The following SYCE1 variants were observed in gnomAD, a reference collection of about 807,000 sequenced individuals.
The protein encoded by SYCE1 is synaptonemal complex central element protein 1.
Under a neutral mutation model 55.1 loss-of-function variants are expected in SYCE1, and 37 were observed. The observed-to-expected ratio is 0.67, with a 90% CI of 0.52 to 0.88. The LOEUF (loss-of-function observed/expected upper bound fraction) is 0.88. SYCE1 is among the 40% of genes least tolerant of loss of function. The pLI is 0.00. For missense variants in SYCE1, 399 were observed against 416.4 expected (o/e 0.96, Z 0.36); for synonymous variants, 163 against 159.4 (o/e 1.02, Z -0.17).
Position 133,565,498 on chromosome 10 carries a change from T to A in SYCE1, c.32A>T (p.Glu11Val), listed in dbSNP as rs1178828716. 1.9e-6 allele frequency: 3 copies of A among 1,549,992 alleles called. No individual in the cohort carries two copies. Among genetic ancestry groups the A allele is most frequent in the South Asian group, 1.2e-5 (1 of 83,926 alleles). MAGRSLTSKA[E>V]PTAGAVDRAE... Reference sequence around the variant, plus strand: ...CCTGTCCACGGCTCCTGCGGTGGGCTCGGCCTTCGATGTCAGGGACCTCCC... The same window carrying A: ...CCTGTCCACGGCTCCTGCGGTGGGCACGGCCTTCGATGTCAGGGACCTCCC... The change falls in exon 1 of 13, where the codon GAG becomes GTG. Residue 11 changes from glutamate to valine, a missense_variant. By Grantham distance (121) the Glu-to-Val change is moderately radical (BLOSUM62 -2). Transcript: ENST00000343131.
chr10:133,556,113 C>G (rs1851676952), intron 8 of SYCE1, 66 bp from the exon 9 acceptor site: 2 of 1,578,508 alleles, frequency 1.3e-6, no homozygotes, highest in Admixed American at 1.7e-5. Context: ...AGAAGGCTAT[C>G]TGGATCTTGT....
upstream of SYCE1, chr10:133,565,596 G>C: frequency 2.0e-6 from 3 of 1,484,510 alleles, no homozygotes; most frequent in Non-Finnish European, 1.8e-6. Flanking sequence ...AGCAACCGCC[G>C]CTGGGGGCAG....
chr10:133,554,603 G>A (rs546303899), downstream of SYCE1: 49 of 696,254 alleles, frequency 7.0e-5, no homozygotes, highest in African/African-American at 6.6e-4. Context: ...ATATGGAACC[G>A]ACTGATTTTG....
At chr10:133,565,875 G>A (rs1350738775), upstream of SYCE1, among the ~76,000 whole-genome samples, 1 of 152,218 alleles carries the variant, frequency 6.6e-6, no homozygotes, top group African/African-American at 2.4e-5. Flanking sequence ...CATGTGTAGC[G>A]CCGAAGCTTC....
chr10:133,554,831 A>T (rs1384706158), downstream of SYCE1: 8 of 1,450,142 alleles, frequency 5.5e-6, no homozygotes, highest in African/African-American at 1.1e-4. Context: ...ACCAGAGATG[A>T]GCAATCCAGA....
At chr10:133,554,670 G>A (rs1395196000), downstream of SYCE1, 3 of 740,028 alleles carry the variant, frequency 4.1e-6, no homozygotes, top group Non-Finnish European at 7.2e-6. Context: ...GGGAGTCTGT[G>A]TAGTCCAGAC....
chr10:133,559,337 C>G lies in SYCE1; in HGVS notation c.160G>C (p.Glu54Gln), dbSNP rs756386589. The G allele has an allele frequency of 1.5e-5, 25 of 1,614,026 alleles. No individual in the cohort carries two copies. The highest frequency in any genetic ancestry group is 1.6e-4 in the Middle Eastern group (1 of 6,084). ...QKVGSLEPRV[E>Q]VLINRINEVQ... ...TCATTAATCCGGTTAATCAGGACCT[C>G]AACTCGGGGCTCTAGGCTTCCCACT... The change falls in exon 3 of 13, where the codon GAG becomes CAG. Residue 54 changes from glutamate (E) to glutamine (Q), a missense_variant. Transcript: ENST00000343131.
At chr10:133,564,502 G>A in intron 1 of SYCE1, 1 of 895,896 alleles carries the variant, frequency 1.1e-6, no homozygotes, top group Non-Finnish European at 1.3e-6. Flanking sequence ...GTTTGCGTCT[G>A]TCCTGTTTAC....
chr10:133,563,293 A>G (rs76647273), intron 1 of SYCE1, among the ~76,000 whole-genome samples: 5,612 of 152,312 alleles, frequency 0.037, 139 homozygotes, highest in Non-Finnish European at 0.054. Context: ...TAATAGTGAA[A>G]AACTCGAAGA....
chr10:133,558,343 A>G, intron 4 of SYCE1, 129 bp from the exon 5 acceptor site: 1 of 998,140 alleles, frequency 1.0e-6, no homozygotes, highest in Admixed American at 1.8e-5. Context: ...CCTTGAGGTG[A>G]GCCCCTCCCT....
In SYCE1 at chr10:133,558,941, TTTC is replaced by T. The variant is rs750143514; in HGVS notation, c.204_206del (p.Lys69del). On this transcript the variant is annotated inframe_deletion, in exon 4 of 13. Transcript: ENST00000343131. ...GGGCCTCTCCTAGGTCTTTATTGGCTTTCTTTTTTGCTTCACCAAAGAGCAGAA... is the reference window on the plus strand; with the variant it reads ...GGGCCTCTCCTAGGTCTTTATTGGCTTTTTTTGCTTCACCAAAGAGCAGAA... 1.2e-6 allele frequency: 2 copies of T among 1,611,186 alleles called. No homozygotes were observed. Among genetic ancestry groups the T allele is most frequent in the South Asian group, 2.2e-5 (2 of 90,386 alleles).
At chr10:133,562,786 G>T (rs934581436) in intron 1 of SYCE1, among the ~76,000 whole-genome samples, 21 of 151,840 alleles carry the variant, frequency 1.4e-4, no homozygotes, top group African/African-American at 4.6e-4. Context: ...CTCCCTTTTT[G>T]CAGACCCAGG....
At chr10:133,560,439 G>GA (rs1851793011) in intron 1 of SYCE1, 17 of 226,984 alleles carry the variant, frequency 7.5e-5, no homozygotes, top group Middle Eastern at 1.4e-3. Flanking sequence ...TATAATTCAA[G>GA]AAAAAAAATG....
chr10:133,556,731 G>A, intron 8 of SYCE1, 28 bp downstream of exon 8: 2 of 1,552,860 alleles, frequency 1.3e-6, no homozygotes, highest in South Asian at 1.2e-5. Flanking sequence ...AGATGTGGAA[G>A]GGGGAGGAGT....
chr10:133,565,716 G>GCT (rs1851918241), upstream of SYCE1: 1 of 577,076 alleles, frequency 1.7e-6, no homozygotes, highest in African/African-American at 1.9e-5. Flanking sequence ...AGGCGCGAGG[G>GCT]CTACAAACGC....
chr10:133,567,534 T>C (rs1851976630), upstream of SYCE1, among the ~76,000 whole-genome samples: 1 of 151,992 alleles, frequency 6.6e-6, no homozygotes, highest in Non-Finnish European at 1.5e-5. Context: ...TGAGATCCAC[T>C]CTTCTGGGCA....
At chr10:133,555,184 G>A in intron 12 of SYCE1, 55 bp from the exon 13 acceptor site, 1 of 1,530,902 alleles carries the variant, frequency 6.5e-7, no homozygotes, top group Non-Finnish European at 8.8e-7. Context: ...ATGGCCACAT[G>A]GTCCCCTCCT....
In SYCE1 at chr10:133,555,604, GCTTCTGCTGCTGTTGTTGGCA is replaced by G. The variant is rs754077145; in HGVS notation, c.802_822del (p.Cys268_Lys274del). ...CAGGGCCTCCACACGCACCTCTGCC[GCTTCTGCTGCTGTTGTTGGCA>G]CTTCTGCTGCAGCTGCTGGTGGCGC... is the stretch of plus-strand genomic sequence containing the variant. On this transcript the variant is annotated inframe_deletion, in exon 11 of 13. Coordinates refer to ENST00000343131, the MANE Select transcript of SYCE1 (RefSeq NM_001143764.3). 114 of 1,604,930 alleles carry G rather than the reference GCTTCTGCTGCTGTTGTTGGCA, an allele frequency of 7.1e-5. 1 individual carries two copies. The highest frequency in any genetic ancestry group is 9.2e-5 in the Non-Finnish European group (109 of 1,179,188).
chr10:133,568,076 A>C (rs1244576619), upstream of SYCE1: 4 of 674,312 alleles, frequency 5.9e-6, no homozygotes, highest in Non-Finnish European at 1.1e-5. Flanking sequence ...AGATGTGGTC[A>C]CCGAGCCCAG....
Sources: gnomAD v4.1 joint callset for allele counts (sites outside exome capture counted in the v4.1 genomes callset) on GRCh38, gnomAD v4.1.1 for gene constraint, MANE v1.5 for transcripts, NCBI Gene and HGNC (gene_info 2026-07-23, HGNC 2026-07-21) for gene names.